Variants in MIPOL1 observed in about 807,000 individuals in gnomAD.
MIPOL1 encodes the protein mirror-image polydactyly gene 1 protein.
MIPOL1 carries 57 observed loss-of-function variants against 60.9 expected under a neutral mutation model. The observed-to-expected ratio is 0.94, with a 90% CI of 0.76 to 1.17. The LOEUF (loss-of-function observed/expected upper bound fraction) is 1.17, where lower values mean the gene tolerates loss of function less well. MIPOL1 is among the 50% of genes most tolerant of loss of function. The probability of loss-of-function intolerance (pLI) is 0.00; values close to 1 mark genes in which losing one functional copy is unlikely to be tolerated. For missense variants in MIPOL1, 551 were observed against 511.6 expected, an observed-to-expected ratio of 1.08 and a Z score of -0.74; for synonymous variants, 179 against 168.8, an observed-to-expected ratio of 1.06 and a Z score of -0.47.
intron 6 of MIPOL1, among the ~76,000 whole-genome samples, chr14:37,282,742 TG>T (rs2084221743): frequency 1.3e-5 from 1 of 79,040 alleles, no homozygotes; most frequent in Non-Finnish European, 2.4e-5. Context: ...AGCAAGACCC[TG>T]TCTCAAAAAA....
At chr14:37,420,953 A>G (rs2093862414) in intron 10 of MIPOL1, among the ~76,000 whole-genome samples, 1 of 152,172 alleles carries the variant, frequency 6.6e-6, no homozygotes, top group Non-Finnish European at 1.5e-5. Context: ...AAAGCCAGAA[A>G]GTTTATAATA....
chr14:37,495,689 C>T (rs1229065865), intron 11 of MIPOL1, among the ~76,000 whole-genome samples: 6 of 132,360 alleles, frequency 4.5e-5, no homozygotes, highest in African/African-American at 1.8e-4. Context: ...AGTTCTAGAT[C>T]CCTGAGGAAT....
At chr14:37,458,800 C>G (rs889228139) in intron 11 of MIPOL1, among the ~76,000 whole-genome samples, 1 of 151,546 alleles carries the variant, frequency 6.6e-6, no homozygotes, top group African/African-American at 2.4e-5. Flanking sequence ...TGCAGTGAGC[C>G]GAGATTGTGC....
chr14:37,234,361 C>CTTT (rs3061899), intron 1 of MIPOL1, among the ~76,000 whole-genome samples: 9 of 135,116 alleles, frequency 6.7e-5, no homozygotes, highest in African/African-American at 2.5e-4. Flanking sequence ...CTTTTCTTTT[C>CTTT]TTTTTTTTTT....
Position 37,392,589 on chromosome 14 carries a change from T to C in MIPOL1, c.936+22965T>C, listed in dbSNP as rs564058364. Among the ~76,000 whole-genome samples, 184 of 152,354 alleles carry C rather than the reference T, an allele frequency of 1.2e-3. 1 individual carries two copies. The highest frequency in any genetic ancestry group is 1.8e-3 in the Non-Finnish European group (123 of 68,026). On this transcript the variant is annotated intron_variant, in intron 10 of 12. Coordinates refer to ENST00000684589, the MANE Select transcript of MIPOL1 (RefSeq NM_001388067.1). ...ATAATAGTGATGAGAACAGACATCA[T>C]TGCCTTGTTCTCTATCTTGAGGAAA...
At chr14:37,224,098 G>A (rs1463268501) in intron 1 of MIPOL1, among the ~76,000 whole-genome samples, 1 of 152,156 alleles carries the variant, frequency 6.6e-6, no homozygotes, top group Non-Finnish European at 1.5e-5. Context: ...GGCAGCACCT[G>A]TATCTAAATA....
intron 11 of MIPOL1, among the ~76,000 whole-genome samples, chr14:37,480,497 A>G (rs954880536): frequency 1.3e-5 from 2 of 151,946 alleles, no homozygotes; most frequent in Non-Finnish European, 2.9e-5. Flanking sequence ...ACAAAATTCA[A>G]CATCCTTTCA....
chr14:37,238,548 T>A (rs10132070), intron 1 of MIPOL1, among the ~76,000 whole-genome samples: 3 of 151,974 alleles, frequency 2.0e-5, no homozygotes, highest in African/African-American at 7.3e-5. Context: ...TTTTCTTAAC[T>A]AATTAATAAT....
intron 6 of MIPOL1, among the ~76,000 whole-genome samples, chr14:37,272,348 CTT>C (rs1473588900): frequency 6.6e-6 from 1 of 151,482 alleles, no homozygotes; most frequent in African/African-American, 2.4e-5. Flanking sequence ...TAAGAAGAGA[CTT>C]AAAGTATTTT....
chr14:37,438,226 TC>T (rs2094192406), intron 11 of MIPOL1, among the ~76,000 whole-genome samples: 1 of 152,224 alleles, frequency 6.6e-6, no homozygotes, highest in Non-Finnish European at 1.5e-5. Context: ...AAACATGTTT[TC>T]CAAAGAGTAC....
chr14:37,296,813 A>T (rs1196740630), intron 7 of MIPOL1, among the ~76,000 whole-genome samples: 1 of 152,226 alleles, frequency 6.6e-6, no homozygotes, highest in African/African-American at 2.4e-5. Flanking sequence ...GCAATAATTA[A>T]TAGCTTACCA....
At chr14:37,486,769 G>A (rs988355391) in intron 11 of MIPOL1, among the ~76,000 whole-genome samples, 30 of 152,172 alleles carry the variant, frequency 2.0e-4, no homozygotes, top group Admixed American at 1.9e-3. Flanking sequence ...CATGTCATCT[G>A]CAAACAGACA....
chr14:37,372,274 T>C (rs1350945451), intron 10 of MIPOL1, among the ~76,000 whole-genome samples: 3 of 152,158 alleles, frequency 2.0e-5, no homozygotes, highest in Non-Finnish European at 4.4e-5. Flanking sequence ...AAAATAATTA[T>C]GGCAAAATCA....
At chr14:37,369,738 G>A (rs1215738447) in intron 10 of MIPOL1, 114 bp downstream of exon 10, 2 of 629,106 alleles carry the variant, frequency 3.2e-6, no homozygotes, top group South Asian at 2.4e-5. Context: ...TGTGGTGTTT[G>A]CCAACAACCC....
chr14:37,458,521 A>C (rs1018127122), intron 11 of MIPOL1, among the ~76,000 whole-genome samples: 2 of 152,174 alleles, frequency 1.3e-5, no homozygotes, highest in Admixed American at 1.3e-4. Flanking sequence ...AAGAGGAACT[A>C]TCAAAACTAT....
Position 37,549,321 on chromosome 14 carries a change from C to T in MIPOL1, c.*2350C>T, listed in dbSNP as rs1248776874. 6.6e-6 allele frequency: 1 copy of T among 151,816 alleles called. No individual in the cohort carries two copies. The highest frequency in any genetic ancestry group is 1.5e-5 in the Non-Finnish European group (1 of 67,800). 9.4% of individuals were successfully genotyped at this position (151,816 alleles called of 1,614,324 possible). ...AAAATGCTAATACTAACATTTGTAG[C>T]ACTTGATGATTTACAAAGTCCTTTT... On this transcript the variant is annotated 3_prime_UTR_variant, in exon 13 of 13. Transcript: ENST00000684589.
chr14:37,395,076 T>C (rs1192960327), intron 10 of MIPOL1, among the ~76,000 whole-genome samples: 2 of 152,152 alleles, frequency 1.3e-5, no homozygotes, highest in African/African-American at 2.4e-5. Context: ...TGGCTATATT[T>C]GGGTTTATTT....
intron 11 of MIPOL1, among the ~76,000 whole-genome samples, chr14:37,497,583 A>AT (rs1439297199): frequency 6.6e-6 from 1 of 152,202 alleles, no homozygotes. Context: ...GCATATGCCC[A>AT]TAGTCCGAGC....
intron 9 of MIPOL1, among the ~76,000 whole-genome samples, chr14:37,325,306 C>T (rs1260557091): frequency 2.6e-5 from 4 of 151,862 alleles, no homozygotes; most frequent in Non-Finnish European, 4.4e-5. Flanking sequence ...ATTTTATATT[C>T]ATTTTACTTC....
Sources: gnomAD v4.1 joint callset for allele counts (sites outside exome capture counted in the v4.1 genomes callset) on GRCh38, gnomAD v4.1.1 for gene constraint, MANE v1.5 for transcripts, NCBI Gene and HGNC (gene_info 2026-07-23, HGNC 2026-07-21) for gene names.